Variants in CPED1 observed in about 807,000 individuals in gnomAD.
The protein encoded by CPED1 is cadherin-like and PC-esterase domain-containing protein 1.
CPED1 carries 114 observed loss-of-function variants against 128.2 expected under a neutral mutation model. That is an observed-to-expected ratio of 0.89 (90% CI 0.76 to 1.04). The LOEUF (loss-of-function observed/expected upper bound fraction) is 1.04. CPED1 is among the 50% of genes least tolerant of loss of function. The probability of loss-of-function intolerance (pLI) is 0.00; values close to 1 mark genes in which losing one functional copy is unlikely to be tolerated. For missense variants in CPED1, 1,211 were observed against 1,207.1 expected (o/e 1.00, Z -0.05); for synonymous variants, 462 against 426.7 (o/e 1.08, Z -1.02).
At chr7:121,123,217 T>C (rs567583409) in intron 7 of CPED1, among the ~76,000 whole-genome samples, 27 of 152,298 alleles carry the variant, frequency 1.8e-4, no homozygotes, top group African/African-American at 6.0e-4. Context: ...TGTAATCTTA[T>C]TAGGTTTCTG....
chr7:121,095,680 T>C (rs1794681599), intron 5 of CPED1, among the ~76,000 whole-genome samples: 1 of 152,150 alleles, frequency 6.6e-6, no homozygotes, highest in South Asian at 2.1e-4. Flanking sequence ...ATTCCTGTAT[T>C]GGACCCCTTC....
intron 16 of CPED1, among the ~76,000 whole-genome samples, chr7:121,228,154 A>G: frequency 6.6e-6 from 1 of 152,192 alleles, no homozygotes; most frequent in African/African-American, 2.4e-5. Flanking sequence ...GACTAAGAAG[A>G]CTTAATTAAA....
chr7:121,040,427 G>A (rs1168357440), intron 3 of CPED1, among the ~76,000 whole-genome samples: 6 of 152,070 alleles, frequency 3.9e-5, no homozygotes, highest in Non-Finnish European at 8.8e-5. Flanking sequence ...CCTACATGAA[G>A]AGTGCAGAGT....
At chr7:121,124,506 A>AAAAG (rs774607731) in intron 8 of CPED1, 33 bp downstream of exon 8, 1 of 1,371,066 alleles carries the variant, frequency 7.3e-7, no homozygotes. Context: ...AAAAAAAAAG[A>AAAAG]AAAGAAAGAA....
rs72453872 is a variant in CPED1, at chr7:121,087,665, C to CTTTTTTTTTTTTTTTTTTTTT, written c.617-10033_617-10032insTTTTTTTTTTTTTTTTTTTTT. On this transcript the variant is annotated intron_variant, in intron 5 of 22. Coordinates refer to ENST00000310396, the MANE Select transcript of CPED1 (RefSeq NM_024913.5). ...GGATTCTTTCTTTTTCTTTTCTTTC[C>CTTTTTTTTTTTTTTTTTTTTT]TGTTTTTTTTTTTTTGGCAGAGTCT... 1.7e-4 allele frequency among the ~76,000 whole-genome samples: 22 copies of CTTTTTTTTTTTTTTTTTTTTT among 131,552 alleles called. 4 individuals are homozygous for CTTTTTTTTTTTTTTTTTTTTT. Among genetic ancestry groups the CTTTTTTTTTTTTTTTTTTTTT allele is most frequent in the African/African-American group, 6.0e-4 (19 of 31,760 alleles). The allele number at this position is 131,552 out of a possible 152,430, so 86.3% of individuals were successfully genotyped here.
intron 4 of CPED1, among the ~76,000 whole-genome samples, chr7:121,063,761 ATAT>A: frequency 6.6e-6 from 1 of 152,102 alleles, no homozygotes; most frequent in East Asian, 1.9e-4. Flanking sequence ...ATTTATGATA[ATAT>A]TTACAAAGCT....
chr7:121,128,087 G>A (rs1294219984), intron 10 of CPED1, among the ~76,000 whole-genome samples: 1 of 152,008 alleles, frequency 6.6e-6, no homozygotes, highest in East Asian at 1.9e-4. Context: ...AATGAATAGA[G>A]CAGAGTGCTT....
At chr7:121,098,734 A>G (rs1384660969) in intron 6 of CPED1, among the ~76,000 whole-genome samples, 2 of 29,752 alleles carry the variant, frequency 6.7e-5, no homozygotes, top group Non-Finnish European at 1.6e-4. Context: ...TGTCTCAAAT[A>G]TATATATATA....
At chr7:121,220,155 T>C (rs1193375278) in intron 16 of CPED1, among the ~76,000 whole-genome samples, 1 of 152,102 alleles carries the variant, frequency 6.6e-6, no homozygotes, top group East Asian at 1.9e-4. Flanking sequence ...TTTTTATACA[T>C]AACAAAGTTG....
chr7:121,178,219 G>T (rs898249494), intron 16 of CPED1, among the ~76,000 whole-genome samples: 1 of 152,040 alleles, frequency 6.6e-6, no homozygotes, highest in Non-Finnish European at 1.5e-5. Context: ...TGGGAAAACA[G>T]CATCAGAGAC....
At chr7:121,255,662 CT>C (rs1368544079) in intron 18 of CPED1, among the ~76,000 whole-genome samples, 1 of 151,930 alleles carries the variant, frequency 6.6e-6, no homozygotes, top group Non-Finnish European at 1.5e-5. Context: ...CTAGAAAACC[CT>C]AGAGAATGCC....
At chr7:121,209,758 C>T (rs1797604372) in intron 16 of CPED1, among the ~76,000 whole-genome samples, 1 of 151,888 alleles carries the variant, frequency 6.6e-6, no homozygotes, top group Non-Finnish European at 1.5e-5. Context: ...CAAATGGGGT[C>T]ACATCAAGTT....
chr7:121,118,607 C>T (rs1795310456), intron 7 of CPED1, among the ~76,000 whole-genome samples: 1 of 150,670 alleles, frequency 6.6e-6, no homozygotes, highest in African/African-American at 2.4e-5. Flanking sequence ...CCATATCTAT[C>T]TGAGAGATTG....
At chr7:121,026,703 A>T (rs1041577512) in intron 3 of CPED1, among the ~76,000 whole-genome samples, 142 of 151,482 alleles carry the variant, frequency 9.4e-4, no homozygotes, top group African/African-American at 2.9e-3. Flanking sequence ...GGTGATACTA[A>T]TACATGGCTA....
At chr7:121,084,718 A>T (rs983245388) in intron 5 of CPED1, among the ~76,000 whole-genome samples, 2 of 152,256 alleles carry the variant, frequency 1.3e-5, no homozygotes, top group African/African-American at 4.8e-5. Context: ...TCTAGGTTCA[A>T]ATAATTACCA....
intron 12 of CPED1, among the ~76,000 whole-genome samples, chr7:121,132,432 G>A (rs12706314): frequency 0.54 from 82,135 of 151,804 alleles, 23,158 homozygotes; most frequent in African/African-American, 0.65. Context: ...TACATTACCT[G>A]TGTTCAATGA....
At chr7:121,085,725 A>C (rs1010672846) in intron 5 of CPED1, among the ~76,000 whole-genome samples, 83 of 152,342 alleles carry the variant, frequency 5.4e-4, no homozygotes, top group African/African-American at 2.0e-3. Context: ...GTTTCACACT[A>C]AAACTGCACT....
intron 2 of CPED1, among the ~76,000 whole-genome samples, chr7:121,012,530 G>C (rs1792184424): frequency 6.6e-6 from 1 of 152,226 alleles, no homozygotes; most frequent in African/African-American, 2.4e-5. Context: ...TAAAAGTGCT[G>C]CTATTAGCAT....
At chr7:121,066,929 G>A (rs181825864) in intron 5 of CPED1, among the ~76,000 whole-genome samples, 121 of 152,224 alleles carry the variant, frequency 7.9e-4, no homozygotes, top group Non-Finnish European at 1.6e-3. Context: ...CAGGCATTGT[G>A]TTAGGTATTA....
Sources: gnomAD v4.1 joint callset for allele counts (sites outside exome capture counted in the v4.1 genomes callset) on GRCh38, gnomAD v4.1.1 for gene constraint, MANE v1.5 for transcripts, NCBI Gene and HGNC (gene_info 2026-07-23, HGNC 2026-07-21) for gene names.